The following DENND1A variants were observed in gnomAD, a reference collection of about 807,000 sequenced individuals.
DENND1A encodes the protein DENN domain-containing protein 1A.
In DENND1A, 51 loss-of-function variants were observed where a neutral mutation model predicts 113.7. The ratio of observed to expected loss-of-function variants is 0.45; its 90% CI spans 0.36 to 0.57. The LOEUF (loss-of-function observed/expected upper bound fraction) is 0.57, where lower values mean the gene tolerates loss of function less well. DENND1A is among the 20% of genes least tolerant of loss of function. The probability of loss-of-function intolerance (pLI) is 0.00; values close to 1 mark genes in which losing one functional copy is unlikely to be tolerated. For missense variants in DENND1A, 1,258 were observed against 1,395.9 expected (o/e 0.90, Z 1.57); for synonymous variants, 565 against 570.8 (o/e 0.99, Z 0.14).
At position 123,576,763 on chromosome 9, in the gene DENND1A, T is replaced by C. The variant is rs143134418; in HGVS notation, c.867+6406A>G. On this transcript the variant is annotated intron_variant, in intron 12 of 23. Transcript: ENST00000394215. ...CCTCAGTGCTTTCATTTTTGAAGGA[T>C]ATTTTCACTGGATATAGAATTCTGG... Among the ~76,000 whole-genome samples the C allele has an allele frequency of 6.7e-3, 1,025 of 152,376 alleles. 16 individuals are homozygous for C. The highest frequency in any genetic ancestry group is 0.024 in the African/African-American group (990 of 41,596).
At chr9:123,385,567 C>T (rs1310547289) in intron 22 of DENND1A, among the ~76,000 whole-genome samples, 5 of 152,136 alleles carry the variant, frequency 3.3e-5, no homozygotes, top group African/African-American at 7.2e-5. Context: ...CACCACCTGG[C>T]GGTCAAGGGT....
At chr9:123,835,240 C>T (rs1003854793) in intron 2 of DENND1A, among the ~76,000 whole-genome samples, 16 of 152,006 alleles carry the variant, frequency 1.1e-4, no homozygotes, top group African/African-American at 3.1e-4. Context: ...GCTAGATGAA[C>T]GCCTGGAATG....
intron 2 of DENND1A, among the ~76,000 whole-genome samples, chr9:123,873,967 T>C (rs1355237843): frequency 1.3e-5 from 2 of 152,160 alleles, no homozygotes; most frequent in African/African-American, 2.4e-5. Flanking sequence ...GGTCTCGAAC[T>C]CTTGACCTTG....
At chr9:123,678,262 T>C (rs765908029) in intron 5 of DENND1A, among the ~76,000 whole-genome samples, 23 of 152,214 alleles carry the variant, frequency 1.5e-4, no homozygotes, top group Admixed American at 3.9e-4. Flanking sequence ...ACACCGTCAG[T>C]GCTCAGCGTT....
intron 12 of DENND1A, among the ~76,000 whole-genome samples, chr9:123,574,737 A>G (rs746440052): frequency 4.6e-5 from 7 of 152,214 alleles, no homozygotes; most frequent in Admixed American, 2.0e-4. Context: ...GAGAGAAACT[A>G]AAAGCTATGG....
At chr9:123,818,517 T>TACACACAC (rs1469959491) in intron 2 of DENND1A, among the ~76,000 whole-genome samples, 1 of 123,136 alleles carries the variant, frequency 8.1e-6, no homozygotes, top group Non-Finnish European at 1.7e-5. Flanking sequence ...TATACATACA[T>TACACACAC]ATACACACAC....
intron 2 of DENND1A, among the ~76,000 whole-genome samples, chr9:123,871,609 T>C (rs557794442): frequency 6.6e-6 from 1 of 152,312 alleles, no homozygotes; most frequent in African/African-American, 2.4e-5. Flanking sequence ...AGTTAAGAGA[T>C]TCTAAGCAAA....
chr9:123,609,869 C>T (rs570533953), intron 10 of DENND1A, among the ~76,000 whole-genome samples: 45 of 152,212 alleles, frequency 3.0e-4, no homozygotes, highest in South Asian at 6.2e-4. Flanking sequence ...CAGATGGGAA[C>T]GATTATTGCC....
chr9:123,779,912 G>C (rs1486000082), intron 3 of DENND1A, among the ~76,000 whole-genome samples: 1 of 146,372 alleles, frequency 6.8e-6, no homozygotes, highest in Non-Finnish European at 1.5e-5. Context: ...ACCCAGGCTG[G>C]AGTGCAGTGG....
chr9:123,447,012 T>C (rs545054788), intron 18 of DENND1A, among the ~76,000 whole-genome samples: 7 of 152,212 alleles, frequency 4.6e-5, no homozygotes, highest in Non-Finnish European at 1.0e-4. Context: ...AATGGATTTG[T>C]GGCCACTGCT....
intron 13 of DENND1A, among the ~76,000 whole-genome samples, chr9:123,517,088 T>G (rs1369122081): frequency 1.3e-5 from 2 of 150,744 alleles, no homozygotes; most frequent in Non-Finnish European, 3.0e-5. Flanking sequence ...CTGTCTCTAC[T>G]AAAAACACAA....
chr9:123,926,657 AC>A (rs1857156172), intron 1 of DENND1A, among the ~76,000 whole-genome samples: 1 of 148,926 alleles, frequency 6.7e-6, no homozygotes, highest in Non-Finnish European at 1.5e-5. Flanking sequence ...AAAATATAAA[AC>A]TTTTCTTCCT....
At chr9:123,543,146 T>G (rs762311669) in intron 13 of DENND1A, among the ~76,000 whole-genome samples, 1 of 152,168 alleles carries the variant, frequency 6.6e-6, no homozygotes, top group Non-Finnish European at 1.5e-5. Flanking sequence ...TTCCCAGTCA[T>G]GGAACGGGTA....
intron 19 of DENND1A, among the ~76,000 whole-genome samples, chr9:123,436,205 T>C (rs1451918062): frequency 6.6e-6 from 1 of 152,190 alleles, no homozygotes; most frequent in Non-Finnish European, 1.5e-5. Flanking sequence ...AGAGGAAGAA[T>C]GCCTTCCCGG....
chr9:123,782,439 G>T (rs1177599704), intron 3 of DENND1A, among the ~76,000 whole-genome samples: 1 of 152,166 alleles, frequency 6.6e-6, no homozygotes, highest in Non-Finnish European at 1.5e-5. Context: ...CTTAAATTCT[G>T]AGCCCAAAGA....
chr9:123,737,439 T>C (rs2068650024), intron 5 of DENND1A, among the ~76,000 whole-genome samples: 1 of 152,116 alleles, frequency 6.6e-6, no homozygotes, highest in Non-Finnish European at 1.5e-5. Context: ...CCTCCTGCCT[T>C]GACCTCCCAA....
intron 5 of DENND1A, among the ~76,000 whole-genome samples, chr9:123,707,464 G>A (rs946857308): frequency 6.6e-6 from 1 of 151,768 alleles, no homozygotes; most frequent in Non-Finnish European, 1.5e-5. Context: ...TAACACTTTG[G>A]GGAGGTATGG....
chr9:123,854,518 A>G (rs1170099417), intron 2 of DENND1A, among the ~76,000 whole-genome samples: 1 of 152,052 alleles, frequency 6.6e-6, no homozygotes, highest in Non-Finnish European at 1.5e-5. Context: ...CAACATAGTA[A>G]AACCTAGCTC....
chr9:123,739,377 G>A (rs1167019532), intron 5 of DENND1A, among the ~76,000 whole-genome samples: 1 of 145,786 alleles, frequency 6.9e-6, no homozygotes, highest in Non-Finnish European at 1.5e-5. Flanking sequence ...TTAAAAATAA[G>A]TGTTAAAATA....
Sources: gnomAD v4.1 joint callset for allele counts (sites outside exome capture counted in the v4.1 genomes callset) on GRCh38, gnomAD v4.1.1 for gene constraint, MANE v1.5 for transcripts, NCBI Gene and HGNC (gene_info 2026-07-23, HGNC 2026-07-21) for gene names.